Variants in NEK1 observed in about 807,000 individuals in gnomAD.
The protein encoded by NEK1 is serine/threonine-protein kinase Nek1.
In NEK1, 137 loss-of-function variants were observed where a neutral mutation model predicts 182.1. The observed-to-expected ratio is 0.75, with a 90% CI of 0.65 to 0.87. The LOEUF (loss-of-function observed/expected upper bound fraction) is 0.87, where lower values mean the gene tolerates loss of function less well. Among genes scored for constraint, NEK1 ranks in the 40% least tolerant of loss-of-function variants. The probability of loss-of-function intolerance (pLI) is 0.00; values close to 1 mark genes in which losing one functional copy is unlikely to be tolerated. For synonymous variants in NEK1, 513 were observed against 492.2 expected (o/e 1.04, Z -0.56); for missense variants, 1,391 against 1,494.4 (o/e 0.93, Z 1.14).
chr4:169,543,054 T>C (rs149798344), intron 18 of NEK1, among the ~76,000 whole-genome samples: 1 of 152,172 alleles, frequency 6.6e-6, no homozygotes, highest in Non-Finnish European at 1.5e-5. Context: ...AGTCATGAAG[T>C]CTTTGACCAT....
At chr4:169,537,499 T>C (rs1758698451) in intron 19 of NEK1, among the ~76,000 whole-genome samples, 1 of 151,234 alleles carries the variant, frequency 6.6e-6, no homozygotes, top group Non-Finnish European at 1.5e-5. Flanking sequence ...ATCCAAGAAC[T>C]TATTTCTTTA....
chr4:169,575,056 G>A (rs951171900), intron 12 of NEK1, among the ~76,000 whole-genome samples: 2 of 152,182 alleles, frequency 1.3e-5, no homozygotes, highest in Non-Finnish European at 2.9e-5. Context: ...ATGCAGGGGT[G>A]GGGGCAGATC....
chr4:169,609,060 C>CAAAAAA (rs540854284), intron 2 of NEK1, among the ~76,000 whole-genome samples: 1 of 82,558 alleles, frequency 1.2e-5, no homozygotes, highest in Non-Finnish European at 2.7e-5. Context: ...GACTCCTTCT[C>CAAAAAA]AAAAAAAAAA....
intron 27 of NEK1, among the ~76,000 whole-genome samples, chr4:169,439,351 T>G (rs564719901): frequency 1.3e-5 from 2 of 152,214 alleles, no homozygotes; most frequent in Non-Finnish European, 2.9e-5. Flanking sequence ...TCAGTTAATT[T>G]CCAGAGCAAA....
chr4:169,535,713 TAC>T (rs1758373122), intron 19 of NEK1, among the ~76,000 whole-genome samples: 2 of 151,204 alleles, frequency 1.3e-5, no homozygotes, highest in Admixed American at 1.3e-4. Context: ...GCCCTGTCTC[TAC>T]TAAAAATACA....
chr4:169,555,881 T>C (rs1411692397), intron 17 of NEK1, 30 bp from the exon 18 acceptor site: 4 of 1,613,502 alleles, frequency 2.5e-6, no homozygotes, highest in Admixed American at 3.3e-5. Flanking sequence ...GTGACTTTCA[T>C]TACTATCTCA....
In NEK1 at chr4:169,601,992, G is replaced by T; in HGVS notation, c.214+16C>A. 6.4e-7 allele frequency: 1 copy of T among 1,552,654 alleles called. No homozygotes were observed. The highest frequency in any genetic ancestry group is 8.9e-7 in the Non-Finnish European group (1 of 1,127,798). On this transcript the variant is annotated intron_variant, in intron 4 of 35. Transcript: ENST00000507142. The stretch of plus-strand genomic sequence containing the variant: ...TGTCTTAGGATTTTTTAACTCTCTC[G>T]CATAATTTATCTGACCTTCAAATGA...
At chr4:169,414,058 A>C (rs569740938) in intron 31 of NEK1, among the ~76,000 whole-genome samples, 2 of 152,346 alleles carry the variant, frequency 1.3e-5, no homozygotes, top group South Asian at 4.1e-4. Context: ...TGTGAGAAGT[A>C]ACTATATGTC....
At chr4:169,504,229 C>G (rs1752863416) in intron 23 of NEK1, among the ~76,000 whole-genome samples, 1 of 152,100 alleles carries the variant, frequency 6.6e-6, no homozygotes, top group South Asian at 2.1e-4. Flanking sequence ...ATAACAAATG[C>G]TGGCGAGGAT....
chr4:169,608,752 C>T (rs180819447), intron 2 of NEK1, among the ~76,000 whole-genome samples: 1 of 152,168 alleles, frequency 6.6e-6, no homozygotes, highest in African/African-American at 2.4e-5. Context: ...GATACCCAAT[C>T]TCCTGTAAAA....
rs115287572 is a variant in NEK1 at position 169,511,682 on chromosome 4, T to C, written c.1666-2830A>G. Reference sequence around the variant, plus strand: ...TAATCTTTTATTTGTGCCGTGCATCTACACAATTTTGTCACTCATGTCATC... The same window carrying C: ...TAATCTTTTATTTGTGCCGTGCATCCACACAATTTTGTCACTCATGTCATC... On this transcript the variant is annotated intron_variant, in intron 19 of 35. Transcript: ENST00000507142. Among the ~76,000 whole-genome samples, 1,077 of 152,276 alleles carry C rather than the reference T, an allele frequency of 7.1e-3. 11 individuals carry two copies. The highest frequency in any genetic ancestry group is 0.025 in the African/African-American group (1,037 of 41,580).
At chr4:169,419,942 T>G (rs1396223397) in intron 31 of NEK1, among the ~76,000 whole-genome samples, 1 of 152,186 alleles carries the variant, frequency 6.6e-6, no homozygotes, top group African/African-American at 2.4e-5. Context: ...CTTGTGGAAC[T>G]GGAAGTTGCC....
At chr4:169,452,239 A>G (rs1001555019) in intron 27 of NEK1, among the ~76,000 whole-genome samples, 2 of 152,236 alleles carry the variant, frequency 1.3e-5, no homozygotes, top group African/African-American at 4.8e-5. Context: ...TACCAGAGGT[A>G]CAAAGAGGAG....
chr4:169,483,946 G>C (rs1474892508), intron 23 of NEK1, among the ~76,000 whole-genome samples: 2 of 150,556 alleles, frequency 1.3e-5, no homozygotes. Context: ...CACCTTGAAA[G>C]ATTATATCTA....
chr4:169,489,722 A>T (rs1381863131), intron 23 of NEK1, among the ~76,000 whole-genome samples: 1 of 152,128 alleles, frequency 6.6e-6, no homozygotes, highest in East Asian at 1.9e-4. Flanking sequence ...AAGTGCAGTT[A>T]TGCCCTGCTC....
At chr4:169,496,832 C>T (rs1032444770) in intron 23 of NEK1, among the ~76,000 whole-genome samples, 9 of 152,106 alleles carry the variant, frequency 5.9e-5, no homozygotes, top group Non-Finnish European at 8.8e-5. Flanking sequence ...ATTTTTACAT[C>T]GATGTTCATC....
intron 2 of NEK1, among the ~76,000 whole-genome samples, chr4:169,606,219 A>G (rs1038155516): frequency 6.6e-6 from 1 of 150,536 alleles, no homozygotes; most frequent in South Asian, 2.1e-4. Flanking sequence ...ATTATTTAAA[A>G]AGTAAAAATA....
At chr4:169,419,660 A>G (rs1447296677) in intron 31 of NEK1, among the ~76,000 whole-genome samples, 1 of 152,202 alleles carries the variant, frequency 6.6e-6, no homozygotes, top group African/African-American at 2.4e-5. Context: ...GTTACGAGAA[A>G]AGTGTTGTTA....
rs193264210 is a variant in NEK1 at position 169,546,341 on chromosome 4, C to T, written c.1563-8430G>A. On this transcript the variant is annotated intron_variant, in intron 18 of 35. Coordinates refer to ENST00000507142, the MANE Select transcript of NEK1 (RefSeq NM_001199397.3). ...AGTTCTAATTTGACTGCACTGTGGT[C>T]TGAGACTCTTTGTTATGATTTCCAT... Among the ~76,000 whole-genome samples the T allele has an allele frequency of 1.6e-3, 250 of 152,262 alleles. 1 individual carries two copies. Among genetic ancestry groups the T allele is most frequent in the Non-Finnish European group, 3.1e-3 (208 of 68,022 alleles).
Sources: gnomAD v4.1 joint callset for allele counts (sites outside exome capture counted in the v4.1 genomes callset) on GRCh38, gnomAD v4.1.1 for gene constraint, MANE v1.5 for transcripts, NCBI Gene and HGNC (gene_info 2026-07-23, HGNC 2026-07-21) for gene names.